The following RIC8A variants were observed in gnomAD, a reference collection of about 807,000 sequenced individuals.
The protein encoded by RIC8A is chaperone Ric-8A.
RIC8A carries 37 observed loss-of-function variants against 48.4 expected under a neutral mutation model. The ratio of observed to expected loss-of-function variants is 0.77; its 90% confidence interval spans 0.59 to 1.01. The LOEUF (loss-of-function observed/expected upper bound fraction) is 1.01, where lower values mean the gene tolerates loss of function less well. Among genes scored for constraint, RIC8A ranks in the 50% least tolerant of loss-of-function variants. RIC8A has a pLI of 0.00. For missense variants in RIC8A, 681 were observed against 696.8 expected (o/e 0.98, Z 0.25); for synonymous variants, 288 against 283.4 (o/e 1.02, Z -0.16).
Position 209,907 on chromosome 11 carries a change from G to T in RIC8A, c.633G>T (p.Thr211=), listed in dbSNP as rs370563816. The T allele has an allele frequency of 1.2e-6, 2 of 1,608,570 alleles. No individual in the cohort carries two copies. The highest frequency in any genetic ancestry group is 1.7e-6 in the Non-Finnish European group (2 of 1,179,964). Residue 211 remains threonine (T), a synonymous_variant, in exon 3 of 10, where the codon ACG becomes ACT. Coordinates refer to ENST00000526104, the MANE Select transcript of RIC8A (RefSeq NM_001286134.2). ...CTCCTGAAGGGAACCCCCCACCCAC[G>T]CTCCTTCCTTCCCAAGAGACTGAGC... The part of the protein sequence containing the change: ...GVTPEGNPPP[T]LLPSQETERA...
At position 209,829 on chromosome 11, in the gene RIC8A, G is replaced by A. The variant is rs1855301960; in HGVS notation, c.555G>A (p.Glu185=). ...ATGTGCGCCAGCAGCTGTTTCAGGA[G>A]CTGAAAGGAGTGCGCCTGCTAACTG... ...RTDVRQQLFQ[E]LKGVRLLTDT... Residue 185 remains glutamate, a synonymous_variant, in exon 3 of 10, where the codon GAG becomes GAA. Transcript: ENST00000526104. The A allele has an allele frequency of 6.2e-7, 1 of 1,613,974 alleles. No homozygotes were observed. The highest frequency in any genetic ancestry group is 8.5e-7 in the Non-Finnish European group (1 of 1,180,048).
In RIC8A at chr11:213,743, G is replaced by A. The variant is rs368032353; in HGVS notation, c.1475+325G>A. On this transcript the variant is annotated intron_variant, in intron 9 of 9. Coordinates refer to ENST00000526104, the MANE Select transcript of RIC8A (RefSeq NM_001286134.2). The stretch of plus-strand genomic sequence containing the variant: ...GTAGATCACAAGGTCAGGAGATCGA[G>A]ACCATCCTGGCCAACATGGTGAAAC... The A allele has an allele frequency of 6.8e-4, 180 of 265,126 alleles. 1 individual carries two copies. Among genetic ancestry groups the A allele is most frequent in the Middle Eastern group, 2.6e-3 (2 of 756 alleles). The allele number at this position is 265,126 out of a possible 1,614,324, so 16.4% of individuals were successfully genotyped here. A position where few individuals can be genotyped will look rare whatever the true frequency, so the allele number is the denominator to read the frequency against.
Position 209,938 on chromosome 11 carries a change from A to T in RIC8A, c.664A>T (p.Met222Leu), listed in dbSNP as rs201711833. ...LLPSQETERA[M>L]EILKVLFNIT... ...TCCTTCCCAAGAGACTGAGCGGGCC[A>T]TGGAGATCCTCAAAGTGCTCTTCAA... Residue 222 changes from methionine to leucine, a missense_variant, in exon 3 of 10, where the codon ATG becomes TTG. By Grantham distance (15) the Met-to-Leu change is conservative. Transcript: ENST00000526104. 13 of 1,603,444 alleles carry T rather than the reference A, an allele frequency of 8.1e-6. No individual in the cohort carries two copies. Among genetic ancestry groups the T allele is most frequent in the African/African-American group, 1.3e-5 (1 of 75,048 alleles).
At chr11:209,017 G>T in intron 1 of RIC8A, 79 bp downstream of exon 1, 1 of 1,297,112 alleles carries the variant, frequency 7.7e-7, no homozygotes, top group South Asian at 1.3e-5. Flanking sequence ...GGAGGGCGTG[G>T]GTGAGGCAGA....
intron 4 of RIC8A, chr11:210,965 A>G: frequency 3.3e-6 from 2 of 608,476 alleles, no homozygotes; most frequent in Non-Finnish European, 5.8e-6. Flanking sequence ...TTTGGCTCAG[A>G]CAGGGTCGGG....
chr11:208,861 C>A lies in RIC8A; in HGVS notation c.7C>A (p.Pro3Thr), dbSNP rs1481217618. The A allele has an allele frequency of 6.2e-7, 1 of 1,609,388 alleles. No individual in the cohort carries two copies. Among genetic ancestry groups the A allele is most frequent in the Non-Finnish European group, 8.5e-7 (1 of 1,178,592 alleles). Residue 3 changes from proline (P) to threonine (T), a missense_variant, in exon 1 of 10, where the codon CCC (proline) becomes ACC (threonine). Coordinates refer to ENST00000526104, the MANE Select transcript of RIC8A (RefSeq NM_001286134.2). The surrounding 1 kb of genome is among the most constrained non-coding windows in gnomAD (Gnocchi z 4.8). ...CCGCCTTCCCCGGCGCGCCATGGAG[C>A]CCCGGGCGGTTGCAGAAGCCGTGGA... ME[P>T]RAVAEAVETG...
intron 1 of RIC8A, 126 bp downstream of exon 1, chr11:209,064 C>CG (rs1855272397): frequency 8.9e-6 from 9 of 1,013,882 alleles, no homozygotes; most frequent in Middle Eastern, 2.9e-4. Context: ...CGGCGGGGTG[C>CG]GGGGGGCAGG....
chr11:209,920 C>G lies in RIC8A; in HGVS notation c.646C>G (p.Gln216Glu). Residue 216 changes from glutamine (Q) to glutamate (E), a missense_variant, in exon 3 of 10, where the codon CAA (glutamine) becomes GAA (glutamate). By Grantham distance (29) the Gln-to-Glu change is conservative (BLOSUM62 2). Coordinates refer to ENST00000526104, the MANE Select transcript of RIC8A (RefSeq NM_001286134.2). ...CCCCCCACCCACGCTCCTTCCTTCCCAAGAGACTGAGCGGGCCATGGAGAT... is the reference window on the plus strand; with the variant it reads ...CCCCCCACCCACGCTCCTTCCTTCCGAAGAGACTGAGCGGGCCATGGAGAT... ...GNPPPTLLPS[Q>E]ETERAMEILK... The G allele has an allele frequency of 1.9e-6, 3 of 1,607,104 alleles. No individual in the cohort carries two copies. Among genetic ancestry groups the G allele is most frequent in the Non-Finnish European group, 2.5e-6 (3 of 1,179,968 alleles).
chr11:213,536 T>C (rs1855429040), intron 9 of RIC8A, 118 bp downstream of exon 9: 1 of 1,391,652 alleles, frequency 7.2e-7, no homozygotes, highest in South Asian at 1.4e-5. Flanking sequence ...GGTATTAGGT[T>C]GCATTGCTCA....
At chr11:212,543 G>T (rs372056858) in intron 6 of RIC8A, 32 bp downstream of exon 6, 3 of 1,612,932 alleles carry the variant, frequency 1.9e-6, no homozygotes, top group Non-Finnish European at 1.7e-6. Flanking sequence ...GCTCCTGGGG[G>T]ATGTGGTTTC....
intron 8 of RIC8A, 37 bp from the exon 9 acceptor site, chr11:213,262 C>T: frequency 6.2e-7 from 1 of 1,613,158 alleles, no homozygotes; most frequent in Admixed American, 1.7e-5. Context: ...TGGAGAGTCA[C>T]TAATGCATTC....
chr11:210,714 T>C, intron 4 of RIC8A, 52 bp downstream of exon 4: 1 of 1,559,932 alleles, frequency 6.4e-7, no homozygotes, highest in Non-Finnish European at 8.8e-7. Context: ...GTCTAGATGG[T>C]CGTCCTCAAC....
At position 214,554 on chromosome 11, in the gene RIC8A, G is replaced by A; in HGVS notation, c.*204G>A. ...ATCTCTGGACTGCAACGGTCTTCTT[G>A]TGCTAGAACTCAGGCTCAGCCTCGA... On this transcript the variant is annotated 3_prime_UTR_variant, in exon 10 of 10. Transcript: ENST00000526104. 1 of 682,984 alleles carries A rather than the reference G, an allele frequency of 1.5e-6. No individual in the cohort carries two copies. Among genetic ancestry groups the A allele is most frequent in the Non-Finnish European group, 2.6e-6 (1 of 383,540 alleles). The allele number at this position is 682,984 out of a possible 1,614,324, so 42.3% of individuals were successfully genotyped here. A position where few individuals can be genotyped will look rare whatever the true frequency, so the allele number is the denominator to read the frequency against.
chr11:210,431 AC>A, intron 3 of RIC8A, 139 bp from the exon 4 acceptor site: 1 of 842,902 alleles, frequency 1.2e-6, no homozygotes. Context: ...ACCTAGGAAG[AC>A]CCCAGGGGAC....
At chr11:212,041 CTCGTT>C (rs1259759805) in intron 5 of RIC8A, 7 of 277,026 alleles carry the variant, frequency 2.5e-5, no homozygotes, top group Non-Finnish European at 4.3e-5. Context: ...GGATTCGGTT[CTCGTT>C]TCTTTTTGCC....
rs372056858 is a variant in RIC8A at position 212,543 on chromosome 11, G to A, written c.1065+32G>A. 13 of 1,612,814 alleles carry A rather than the reference G, an allele frequency of 8.1e-6. No individual in the cohort carries two copies. The South Asian group carries it at 9.9e-5, about 12-fold the overall frequency. On this transcript the variant is annotated intron_variant, in intron 6 of 9. Transcript: ENST00000526104. ...GGCTGAGGAGCTGGTGCTCCTGGGGGATGTGGTTTCGGCCCTGATCACAGA... is the reference window on the plus strand; with the variant it reads ...GGCTGAGGAGCTGGTGCTCCTGGGGAATGTGGTTTCGGCCCTGATCACAGA...
chr11:209,134 G>T, intron 1 of RIC8A, 137 bp from the exon 2 acceptor site: 1 of 1,153,476 alleles, frequency 8.7e-7, no homozygotes, highest in East Asian at 2.3e-5. Context: ...AGGCGTGTAG[G>T]GATGGGGGCG....
chr11:212,532 T>A (rs762924721), intron 6 of RIC8A, 21 bp downstream of exon 6: 1 of 1,612,750 alleles, frequency 6.2e-7, no homozygotes, highest in East Asian at 2.2e-5. Flanking sequence ...GAGGAGCTGG[T>A]GCTCCTGGGG....
intron 1 of RIC8A, 88 bp from the exon 2 acceptor site, chr11:209,183 G>A: frequency 6.7e-7 from 1 of 1,488,378 alleles, no homozygotes; most frequent in Non-Finnish European, 9.4e-7. Flanking sequence ...AGTGGCTGCT[G>A]CCTGAGTTAG....
Sources: gnomAD v4.1 joint callset for allele counts on GRCh38, gnomAD v4.1.1 for gene constraint, Gnocchi (gnomAD v3.1) non-coding constraint, MANE v1.5 for transcripts, NCBI Gene and HGNC (gene_info 2026-07-23, HGNC 2026-07-21) for gene names.